Variants in PLA2G4E observed in about 807,000 individuals in gnomAD.
The protein encoded by PLA2G4E is phospholipase A2 group IVE.
Under a neutral mutation model 109.1 loss-of-function variants are expected in PLA2G4E, and 84 were observed. The ratio of observed to expected loss-of-function variants is 0.77; its 90% CI spans 0.65 to 0.92. The LOEUF (loss-of-function observed/expected upper bound fraction) is 0.92, where lower values mean the gene tolerates loss of function less well. Ranked by LOEUF, PLA2G4E falls within the 40% of genes least tolerant of loss-of-function variation. The pLI is 0.00. For missense variants in PLA2G4E, 1,057 were observed against 1,076.6 expected (o/e 0.98, Z 0.25); for synonymous variants, 469 against 436.1 (o/e 1.08, Z -0.94).
At chr15:42,027,739 C>T (rs1242263714) in intron 1 of PLA2G4E, among the ~76,000 whole-genome samples, 3 of 152,208 alleles carry the variant, frequency 2.0e-5, no homozygotes, top group Non-Finnish European at 2.9e-5. Context: ...CTACACTGGT[C>T]CTTCATGCCC....
chr15:42,036,993 G>A lies in PLA2G4E; in HGVS notation c.183+13528C>T, dbSNP rs537504235. ...CCAGGTGCTGTTGCAGCCTGGCCGA[G>A]GGTGCACATATTTGGGGCAGTGCTG... is the stretch of plus-strand genomic sequence containing the variant. On this transcript the variant is annotated intron_variant, in intron 1 of 19. Coordinates refer to ENST00000399518, the Ensembl canonical transcript of PLA2G4E. Among the ~76,000 whole-genome samples the A allele has an allele frequency of 5.6e-4, 86 of 152,370 alleles. 1 individual carries two copies. The South Asian group carries it at 0.017, about 30-fold the overall frequency.
At chr15:42,000,809 A>T (rs2068408679) in intron 7 of PLA2G4E, among the ~76,000 whole-genome samples, 1 of 152,160 alleles carries the variant, frequency 6.6e-6, no homozygotes, top group Non-Finnish European at 1.5e-5. Flanking sequence ...GGGCATAGTT[A>T]GAGGGGTCCT....
chr15:42,003,008 G>A (rs1450289350), intron 5 of PLA2G4E, among the ~76,000 whole-genome samples: 2 of 152,200 alleles, frequency 1.3e-5, no homozygotes, highest in Admixed American at 1.3e-4. Context: ...GAATAAATAG[G>A]TTGTAAGAAA....
intron 2 of PLA2G4E, 32 bp downstream of exon 2, chr15:42,013,653 C>CGG: frequency 7.1e-7 from 1 of 1,414,576 alleles, no homozygotes; most frequent in Non-Finnish European, 9.4e-7. Flanking sequence ...ATCCGGTAAG[C>CGG]AGAGAAGGAG....
In PLA2G4E at chr15:41,983,960, G is replaced by A. The variant is rs1444051403; in HGVS notation, c.2401C>T (p.Pro801Ser). The change falls in exon 20 of 20, where the codon CCT (proline) becomes TCT (serine). Residue 801 changes from proline to serine, a missense_variant. Physicochemically the swap from Pro to Ser is moderately conservative, Grantham distance 74. Transcript: ENST00000399518. Reference sequence around the variant, plus strand: ...ACCTGGCCCTGCTCCAGCTCCTCAGGGCTTCGCTCTACACCTGTGGGCAGC... The same window carrying A: ...ACCTGGCCCTGCTCCAGCTCCTCAGAGCTTCGCTCTACACCTGTGGGCAGC... 1.9e-6 allele frequency: 3 copies of A among 1,607,712 alleles called. No homozygotes were observed. In the East Asian group the frequency reaches 6.7e-5, roughly 36 times the overall value.
chr15:41,985,762 C>A (rs1015322129), intron 18 of PLA2G4E, 77 bp downstream of exon 18: 4 of 1,487,208 alleles, frequency 2.7e-6, no homozygotes, highest in African/African-American at 1.4e-5. Flanking sequence ...CAGTTCACAG[C>A]GAGTGAGGCC....
chr15:42,015,169 C>G (rs2068576767), intron 1 of PLA2G4E, among the ~76,000 whole-genome samples: 1 of 152,206 alleles, frequency 6.6e-6, no homozygotes, highest in African/African-American at 2.4e-5. Flanking sequence ...TGCCCCTGCA[C>G]TCTGAGTCTC....
Position 41,999,515 on chromosome 15 carries a change from G to A in PLA2G4E, c.974+9C>T, listed in dbSNP as rs1367950302. ...AGTGAGAGGCACGGACAGAATGCGG[G>A]TACTATACCAGGGTGTAGACTTCAT... is the stretch of plus-strand genomic sequence containing the variant. On this transcript the variant is annotated intron_variant, in intron 10 of 19. Transcript: ENST00000399518. 4.4e-6 allele frequency: 7 copies of A among 1,582,430 alleles called. No homozygotes were observed. The highest frequency in any genetic ancestry group is 2.7e-5 in the African/African-American group (2 of 74,140).
rs540580618 is a variant in PLA2G4E at position 42,048,637 on chromosome 15, A to G, written c.183+1884T>C. Among the ~76,000 whole-genome samples the G allele has an allele frequency of 3.9e-5, 6 of 152,300 alleles. No individual in the cohort carries two copies. In the South Asian group the frequency reaches 1.2e-3, roughly 32 times the overall value. On this transcript the variant is annotated intron_variant, in intron 1 of 19. Transcript: ENST00000399518. ...GAGAAATCACGGTAAAGTCATAGTG[A>G]TAACAATGACAGCGAGCCGCATTGC...
intron 1 of PLA2G4E, among the ~76,000 whole-genome samples, chr15:42,027,074 G>A (rs561998550): frequency 2.0e-5 from 3 of 152,240 alleles, no homozygotes; most frequent in South Asian, 4.2e-4. Flanking sequence ...GAGCATGGCT[G>A]GAAGCATGAA....
intron 1 of PLA2G4E, among the ~76,000 whole-genome samples, chr15:42,015,690 C>T (rs903983422): frequency 1.3e-5 from 2 of 152,230 alleles, no homozygotes; most frequent in Admixed American, 6.5e-5. Context: ...GCAGGTCAAG[C>T]TGGCTACAGG....
At chr15:41,983,685 G>T in exon 20 of PLA2G4E, 1 of 1,391,790 alleles carries the variant, frequency 7.2e-7, no homozygotes, top group Non-Finnish European at 9.9e-7. Context: ...TAGTAACCTG[G>T]TCAGCCCTGA....
rs2068359784 is a variant in PLA2G4E, at chr15:41,997,374, C to A, written c.975-115G>T. The A allele has an allele frequency of 5.6e-6, 7 of 1,244,916 alleles. No individual in the cohort carries two copies. In the East Asian group the frequency reaches 2.0e-4, roughly 35 times the overall value. 77.1% of individuals were successfully genotyped at this position (1,244,916 alleles called of 1,614,324 possible). ...AGCCTACTTCTGCCAGCGACCACTT[C>A]TGTGACCTTGGGTCTCCACTTTCCC... On this transcript the variant is annotated intron_variant, in intron 10 of 19. Transcript: ENST00000399518.
Position 41,999,515 on chromosome 15 carries a change from G to C in PLA2G4E, c.974+9C>G. On this transcript the variant is annotated intron_variant, in intron 10 of 19. Transcript: ENST00000399518. Reference sequence around the variant, plus strand: ...AGTGAGAGGCACGGACAGAATGCGGGTACTATACCAGGGTGTAGACTTCAT... The same window carrying C: ...AGTGAGAGGCACGGACAGAATGCGGCTACTATACCAGGGTGTAGACTTCAT... The C allele has an allele frequency of 1.3e-6, 2 of 1,582,548 alleles. No individual in the cohort carries two copies. Among genetic ancestry groups the C allele is most frequent in the South Asian group, 2.2e-5 (2 of 90,210 alleles).
At chr15:42,047,997 G>T (rs1889443499) in intron 1 of PLA2G4E, among the ~76,000 whole-genome samples, 1 of 152,142 alleles carries the variant, frequency 6.6e-6, no homozygotes, top group Non-Finnish European at 1.5e-5. Flanking sequence ...GCATAGATAT[G>T]GTATAAATAT....
chr15:41,997,300 A>G, intron 10 of PLA2G4E, 41 bp from the exon 11 acceptor site: 2 of 1,495,868 alleles, frequency 1.3e-6, no homozygotes, highest in African/African-American at 1.4e-5. Context: ...TGCAGCCTCT[A>G]CCTCCCTGGA....
rs552900731 is a variant in PLA2G4E, at chr15:42,030,130, A to G, written c.184-16373T>C. 6.6e-5 allele frequency among the ~76,000 whole-genome samples: 10 copies of G among 152,304 alleles called. No homozygotes were observed. The East Asian group carries it at 1.7e-3, about 26-fold the overall frequency. On this transcript the variant is annotated intron_variant, in intron 1 of 19. Transcript: ENST00000399518. The stretch of plus-strand genomic sequence containing the variant: ...TTCTCAGGTGAGGTGGCATGAGTAA[A>G]GGAATGAAGGTTGGAGAAGGGAATT...
At chr15:41,989,343 C>T in intron 15 of PLA2G4E, 72 bp downstream of exon 15, 1 of 1,582,672 alleles carries the variant, frequency 6.3e-7, no homozygotes, top group Non-Finnish European at 8.6e-7. Flanking sequence ...GTCACATAAT[C>T]AGGGGCCAAC....
chr15:41,992,361 G>A (rs1308526775), intron 13 of PLA2G4E, among the ~76,000 whole-genome samples: 3 of 152,094 alleles, frequency 2.0e-5, no homozygotes, highest in South Asian at 2.1e-4. Context: ...GGATGCTGCC[G>A]CCTGACCTTT....
Sources: allele counts gnomAD v4.1 joint callset (sites outside exome capture counted in the v4.1 genomes callset), GRCh38; gene constraint gnomAD v4.1.1; transcripts MANE v1.5; gene names NCBI Gene and HGNC (gene_info 2026-07-23, HGNC 2026-07-21).